The following ARHGAP42 variants were observed in gnomAD, a reference collection of about 807,000 sequenced individuals.
The protein encoded by ARHGAP42 is Rho GTPase activating protein 42.
ARHGAP42 carries 63 observed loss-of-function variants against 125.0 expected under a neutral mutation model. That is an observed-to-expected ratio of 0.50 (90% CI 0.41 to 0.62). ARHGAP42 has a LOEUF of 0.62. Among genes scored for constraint, ARHGAP42 ranks in the 20% least tolerant of loss-of-function variants. The pLI, the probability that ARHGAP42 is intolerant of heterozygous loss-of-function variation, is 0.00. For missense variants in ARHGAP42, 766 were observed against 1,024.2 expected, an observed-to-expected ratio of 0.75 and a Z score of 3.44; for synonymous variants, 339 against 351.0, an observed-to-expected ratio of 0.97 and a Z score of 0.38.
chr11:100,772,742 G>T (rs1422594506), intron 2 of ARHGAP42, among the ~76,000 whole-genome samples: 1 of 152,148 alleles, frequency 6.6e-6, no homozygotes. Context: ...ACTTAGCCAG[G>T]TAAAAGCCTA....
At position 100,973,286 on chromosome 11, in the gene ARHGAP42, T is replaced by A. The variant is rs201630857; in HGVS notation, c.1662T>A (p.Ile554=). The change falls in exon 18 of 24, where the codon ATT becomes ATA. Residue 554 remains isoleucine (I), a synonymous_variant. Transcript: ENST00000298815. ...AAACTGTGGCTGCTATGATGAATAT[T>A]AAATTTCAGAATATTGTGGTAGAAA... ...QEETVAAMMN[I]KFQNIVVEIL... is the part of the protein sequence containing the mutation. The A allele has an allele frequency of 5.8e-6, 9 of 1,550,876 alleles. No homozygotes were observed. Among genetic ancestry groups the A allele is most frequent in the Non-Finnish European group, 7.8e-6 (9 of 1,146,680 alleles).
chr11:100,697,905 T>C (rs1430974237), intron 1 of ARHGAP42, among the ~76,000 whole-genome samples: 2 of 152,174 alleles, frequency 1.3e-5, no homozygotes, highest in East Asian at 3.8e-4. Context: ...TAAAGTCAGT[T>C]GTGACAACAA....
chr11:100,779,272 C>A (rs1863208515), intron 2 of ARHGAP42, among the ~76,000 whole-genome samples: 1 of 150,952 alleles, frequency 6.6e-6, no homozygotes, highest in South Asian at 2.1e-4. Context: ...CATGGAGAAA[C>A]CCCATCTCTA....
Position 100,941,961 on chromosome 11 carries a change from A to G in ARHGAP42, c.933+77A>G, listed in dbSNP as rs982918887. ...AATGGAATTAAAACAAAAAAATCACATTTGTTTCTCTAGTTAACATGTACA... is the reference window on the plus strand; with the variant it reads ...AATGGAATTAAAACAAAAAAATCACGTTTGTTTCTCTAGTTAACATGTACA... On this transcript the variant is annotated intron_variant, in intron 9 of 23. Transcript: ENST00000298815. 52 of 1,104,780 alleles carry G rather than the reference A, an allele frequency of 4.7e-5. No individual in the cohort carries two copies. The East Asian group carries it at 1.4e-3, about 29-fold the overall frequency. 68.4% of individuals were successfully genotyped at this position (1,104,780 alleles called of 1,614,324 possible).
chr11:100,774,109 C>G (rs948370206), intron 2 of ARHGAP42, among the ~76,000 whole-genome samples: 4 of 152,134 alleles, frequency 2.6e-5, no homozygotes, highest in African/African-American at 9.7e-5. Context: ...CCCACATATA[C>G]TCTAAACAGT....
At chr11:100,813,097 G>C (rs1164816125) in intron 3 of ARHGAP42, among the ~76,000 whole-genome samples, 7 of 152,216 alleles carry the variant, frequency 4.6e-5, no homozygotes, top group Admixed American at 1.3e-4. Context: ...GTGATACTAA[G>C]AGGATTTGCT....
intron 1 of ARHGAP42, among the ~76,000 whole-genome samples, chr11:100,767,440 T>C (rs1406278211): frequency 6.6e-6 from 1 of 152,210 alleles, no homozygotes; most frequent in East Asian, 1.9e-4. Flanking sequence ...TGGGCCACTG[T>C]GTTCTTGTTT....
rs186194525 is a variant in ARHGAP42 at position 100,971,218 on chromosome 11, G to T, written c.1551-1957G>T. Among the ~76,000 whole-genome samples, 258 of 151,928 alleles carry T rather than the reference G, an allele frequency of 1.7e-3. 7 individuals carry two copies. The highest frequency in any genetic ancestry group is 1.7e-3 in the Non-Finnish European group (116 of 67,932). On this transcript the variant is annotated intron_variant, in intron 17 of 23. Coordinates refer to ENST00000298815, the MANE Select transcript of ARHGAP42 (RefSeq NM_152432.4). ...TTTATAGAGACTTTAACTGTTTTTG[G>T]TTATGGTTTTAAATAATAATTTTTA... is the stretch of plus-strand genomic sequence containing the variant.
intron 4 of ARHGAP42, among the ~76,000 whole-genome samples, chr11:100,904,826 AT>A (rs1866676370): frequency 6.6e-6 from 1 of 152,234 alleles, no homozygotes; most frequent in Non-Finnish European, 1.5e-5. Context: ...TTCTCTGATA[AT>A]GTTTTCATGC....
chr11:100,733,488 C>A (rs1035125028), intron 1 of ARHGAP42, among the ~76,000 whole-genome samples: 1 of 152,120 alleles, frequency 6.6e-6, no homozygotes, highest in Non-Finnish European at 1.5e-5. Flanking sequence ...AGATGTAGAA[C>A]AAAGTTCCTT....
At chr11:100,805,444 T>A (rs888242380) in intron 3 of ARHGAP42, among the ~76,000 whole-genome samples, 11 of 152,328 alleles carry the variant, frequency 7.2e-5, no homozygotes, top group Non-Finnish European at 1.6e-4. Flanking sequence ...TAATTTTCAA[T>A]AAGTTCATCA....
At chr11:100,764,734 A>G (rs544325462) in intron 1 of ARHGAP42, among the ~76,000 whole-genome samples, 3 of 152,214 alleles carry the variant, frequency 2.0e-5, no homozygotes, top group Admixed American at 6.5e-5. Context: ...TATTTACCCA[A>G]TTTGCAGAAA....
At chr11:100,771,991 C>T (rs7112366) in intron 2 of ARHGAP42, among the ~76,000 whole-genome samples, 39,332 of 152,138 alleles carry the variant, frequency 0.26, 5,321 homozygotes, top group Non-Finnish European at 0.29. Flanking sequence ...CCATGGACCA[C>T]GCTCTGAGAA....
rs869243290 is a variant in ARHGAP42 at position 100,699,506 on chromosome 11, A to ATTT, written c.154+11705_154+11707dup. Among the ~76,000 whole-genome samples, 10 of 31,750 alleles carry ATTT rather than the reference A, an allele frequency of 3.1e-4. 1 individual carries two copies. The highest frequency in any genetic ancestry group is 1.3e-3 in the African/African-American group (9 of 6,974). The allele number at this position is 31,750 out of a possible 152,430, so 20.8% of individuals were successfully genotyped here. On this transcript the variant is annotated intron_variant, in intron 1 of 23. Transcript: ENST00000298815. ...TATATATATATATATATATATATAT[A>ATTT]TTTTTTTTTTTTTTTTTTTTTTTTT...
At chr11:100,748,458 C>T (rs1378562663) in intron 1 of ARHGAP42, among the ~76,000 whole-genome samples, 1 of 152,184 alleles carries the variant, frequency 6.6e-6, no homozygotes, top group Non-Finnish European at 1.5e-5. Context: ...TGTTAGGAAA[C>T]CTGCTGGGTA....
rs1226089971 is a variant in ARHGAP42, at chr11:100,990,575, C to CT, written c.*1779dup. 1 of 152,220 alleles carries CT rather than the reference C, an allele frequency of 6.6e-6. No individual in the cohort carries two copies. The highest frequency in any genetic ancestry group is 1.5e-5 in the Non-Finnish European group (1 of 67,990). The allele number at this position is 152,220 out of a possible 1,614,324, so 9.4% of individuals were successfully genotyped here. A position where few individuals can be genotyped will look rare whatever the true frequency, so the allele number is the denominator to read the frequency against. The stretch of plus-strand genomic sequence containing the variant: ...ATGTAAACGTTTGATAAAAGAGTAT[C>CT]TTTTTCTTTTATCTCTTACTGTTGA... On this transcript the variant is annotated 3_prime_UTR_variant, in exon 24 of 24. Coordinates refer to ENST00000298815, the MANE Select transcript of ARHGAP42 (RefSeq NM_152432.4).
chr11:100,826,485 C>A (rs962966725), intron 3 of ARHGAP42, among the ~76,000 whole-genome samples: 14 of 152,158 alleles, frequency 9.2e-5, no homozygotes, highest in African/African-American at 2.4e-4. Flanking sequence ...CAAGACTATA[C>A]AGATGTAACT....
chr11:100,882,499 A>AT lies in ARHGAP42; in HGVS notation c.384+22888dup, dbSNP rs34517485. On this transcript the variant is annotated intron_variant, in intron 4 of 23. Transcript: ENST00000298815. Reference sequence around the variant, plus strand: ...ATGTTGTTGGATTCGGTTAGCCAGTATTTTTTTTTTTTTTAACAATTTTCG... The same window carrying AT: ...ATGTTGTTGGATTCGGTTAGCCAGTATTTTTTTTTTTTTTTAACAATTTTCG... 9.2e-3 allele frequency among the ~76,000 whole-genome samples: 1,300 copies of AT among 141,678 alleles called. 8 individuals are homozygous for AT. Among genetic ancestry groups the AT allele is most frequent in the African/African-American group, 0.013 (485 of 38,792 alleles). 92.9% of individuals were successfully genotyped at this position (141,678 alleles called of 152,430 possible). A position where few individuals can be genotyped will look rare whatever the true frequency, so the allele number is the denominator to read the frequency against.
chr11:100,780,243 A>G lies in ARHGAP42; in HGVS notation c.250+9805A>G, dbSNP rs1280202181. 5.3e-5 allele frequency among the ~76,000 whole-genome samples: 8 copies of G among 152,242 alleles called. No individual in the cohort carries two copies. In the East Asian group the frequency reaches 1.5e-3, roughly 29 times the overall value. On this transcript the variant is annotated intron_variant, in intron 2 of 23. Transcript: ENST00000298815. ...GGTGGTAAACCCCTTTTTTAAAATA[A>G]CATGACTTTAAAAAAGGCTTATTTC...
Sources: allele counts gnomAD v4.1 joint callset (sites outside exome capture counted in the v4.1 genomes callset), GRCh38; gene constraint gnomAD v4.1.1; transcripts MANE v1.5; gene names NCBI Gene and HGNC (gene_info 2026-07-23, HGNC 2026-07-21).